PTPRD: variants seen among roughly 807,000 people sequenced by gnomAD.
PTPRD encodes the protein receptor-type tyrosine-protein phosphatase delta.
A neutral mutation model predicts 214.5 loss-of-function variants in PTPRD; 34 were observed. The ratio of observed to expected loss-of-function variants is 0.16; its 90% CI spans 0.12 to 0.21. The LOEUF (loss-of-function observed/expected upper bound fraction) is 0.21. PTPRD is among the 10% of genes least tolerant of loss of function. The pLI, the probability that PTPRD is intolerant of heterozygous loss-of-function variation, is 1.00. For synonymous variants in PTPRD, 1,128 were observed against 845.7 expected (o/e 1.33, Z -5.79); for missense variants, 2,545 against 2,398.7 (o/e 1.06, Z -1.27).
intron 7 of PTPRD, among the ~76,000 whole-genome samples, chr9:9,712,021 T>C (rs2097744371): frequency 6.6e-6 from 1 of 152,212 alleles, no homozygotes; most frequent in African/African-American, 2.4e-5. Context: ...AATTCAGCAT[T>C]AGCATTGTGA....
At chr9:9,418,661 G>A (rs571431148) in intron 8 of PTPRD, among the ~76,000 whole-genome samples, 78 of 152,076 alleles carry the variant, frequency 5.1e-4, no homozygotes, top group African/African-American at 1.9e-3. Flanking sequence ...GGCTACAAGT[G>A]TTCTTAATGT....
In PTPRD at chr9:10,391,574, T is replaced by C. The variant is rs114982953; in HGVS notation, c.-599-50557A>G. Among the ~76,000 whole-genome samples, 390 of 151,862 alleles carry C rather than the reference T, an allele frequency of 2.6e-3. 2 individuals carry two copies. Among genetic ancestry groups the C allele is most frequent in the African/African-American group, 8.7e-3 (363 of 41,500 alleles). ...CTGTATAGTCAATAGTAAATCTCTG[T>C]CAACATTTCCTTTAAAATATACCCT... On this transcript the variant is annotated intron_variant, in intron 2 of 45. Coordinates refer to ENST00000381196, the MANE Select transcript of PTPRD (RefSeq NM_002839.4).
intron 6 of PTPRD, among the ~76,000 whole-genome samples, chr9:9,763,268 G>A (rs767393883): frequency 6.6e-6 from 1 of 152,074 alleles, no homozygotes; most frequent in South Asian, 2.1e-4. Flanking sequence ...GATAATCACT[G>A]TTAATAATGA....
At chr9:8,924,858 T>A (rs2098858478) in intron 11 of PTPRD, among the ~76,000 whole-genome samples, 1 of 152,170 alleles carries the variant, frequency 6.6e-6, no homozygotes, top group Non-Finnish European at 1.5e-5. Context: ...TGACAGTGCT[T>A]AGAATTCATG....
intron 11 of PTPRD, among the ~76,000 whole-genome samples, chr9:8,788,723 T>C (rs1459307243): frequency 6.6e-6 from 1 of 152,166 alleles, no homozygotes; most frequent in Non-Finnish European, 1.5e-5. Context: ...CAAAATCAAA[T>C]TTAAAATATC....
intron 2 of PTPRD, among the ~76,000 whole-genome samples, chr9:10,418,607 C>T (rs933233552): frequency 2.0e-5 from 3 of 151,728 alleles, no homozygotes; most frequent in Admixed American, 1.3e-4. Flanking sequence ...GTTTCTCTTT[C>T]CCACTCCCAC....
At position 9,828,280 on chromosome 9, in the gene PTPRD, T is replaced by G. The variant is rs191311933; in HGVS notation, c.-367-61429A>C. 3.3e-5 allele frequency among the ~76,000 whole-genome samples: 5 copies of G among 152,140 alleles called. No homozygotes were observed. In the East Asian group the frequency reaches 9.7e-4, roughly 29 times the overall value. On this transcript the variant is annotated intron_variant, in intron 5 of 45. Transcript: ENST00000381196. ...AAATGTCCAACAATGATAGACTGGA[T>G]TAAGAAAATGTGGCACATATACATC...
intron 11 of PTPRD, among the ~76,000 whole-genome samples, chr9:8,783,473 A>G (rs1317249797): frequency 6.6e-6 from 1 of 152,180 alleles, no homozygotes; most frequent in Non-Finnish European, 1.5e-5. Context: ...TTTATCCCCA[A>G]GTGATTCTAT....
chr9:9,839,181 A>G (rs1263400391), intron 5 of PTPRD, among the ~76,000 whole-genome samples: 1 of 152,118 alleles, frequency 6.6e-6, no homozygotes, highest in Non-Finnish European at 1.5e-5. Flanking sequence ...CTTGTAGTAT[A>G]GTGTTGGAAG....
At chr9:10,544,483 G>A (rs1355014002) in intron 2 of PTPRD, among the ~76,000 whole-genome samples, 9 of 151,882 alleles carry the variant, frequency 5.9e-5, no homozygotes, top group African/African-American at 2.2e-4. Context: ...CATTTTAAAT[G>A]ATAATGTGAC....
intron 2 of PTPRD, among the ~76,000 whole-genome samples, chr9:10,474,409 G>A (rs1452248718): frequency 6.6e-6 from 1 of 151,952 alleles, no homozygotes; most frequent in African/African-American, 2.4e-5. Flanking sequence ...TTACATAATG[G>A]TAAAGGGATC....
chr9:10,086,760 C>A (rs529461735), intron 3 of PTPRD, among the ~76,000 whole-genome samples: 2 of 151,826 alleles, frequency 1.3e-5, no homozygotes, highest in Non-Finnish European at 1.5e-5. Flanking sequence ...AATGCAAACA[C>A]AACTTCGCTG....
Position 8,942,232 on chromosome 9 carries a change from C to G in PTPRD, c.-104+76465G>C, listed in dbSNP as rs145538131. On this transcript the variant is annotated intron_variant, in intron 11 of 45. Coordinates refer to ENST00000381196, the MANE Select transcript of PTPRD (RefSeq NM_002839.4). ...TTTTTTTTGCCCCCCTGTCTATCAT[C>G]TTGTAACTAGCAAGCACTTTAACAA... Among the ~76,000 whole-genome samples the G allele has an allele frequency of 4.8e-3, 730 of 152,264 alleles. 8 individuals carry two copies. The highest frequency in any genetic ancestry group is 0.017 in the African/African-American group (694 of 41,560).
At chr9:10,355,452 T>C (rs781510144) in intron 2 of PTPRD, among the ~76,000 whole-genome samples, 1 of 151,992 alleles carries the variant, frequency 6.6e-6, no homozygotes, top group African/African-American at 2.4e-5. Context: ...TAGACGACAC[T>C]TTAGAAAATA....
intron 30 of PTPRD, among the ~76,000 whole-genome samples, chr9:8,481,139 C>CAAAAA (rs34451513): frequency 1.0e-4 from 4 of 39,460 alleles, no homozygotes; most frequent in Non-Finnish European, 1.8e-4. Context: ...GACTCCGTCT[C>CAAAAA]AAAAAAAAAA....
chr9:10,196,321 CA>C (rs1296438607), intron 3 of PTPRD, among the ~76,000 whole-genome samples: 7 of 152,246 alleles, frequency 4.6e-5, no homozygotes, highest in Admixed American at 1.3e-4. Context: ...GGACCTCACT[CA>C]TAACATTTTC....
At chr9:10,079,094 A>T (rs1453175200) in intron 3 of PTPRD, among the ~76,000 whole-genome samples, 1 of 152,084 alleles carries the variant, frequency 6.6e-6, no homozygotes, top group East Asian at 1.9e-4. Flanking sequence ...TTTAAAACTT[A>T]AAATGTCCTC....
intron 3 of PTPRD, among the ~76,000 whole-genome samples, chr9:10,189,070 C>A (rs1000218372): frequency 6.6e-6 from 1 of 152,078 alleles, no homozygotes; most frequent in Non-Finnish European, 1.5e-5. Context: ...ACTCTCTTAC[C>A]TGTCCAGGCA....
chr9:9,386,461 C>A (rs2063906485), intron 9 of PTPRD, among the ~76,000 whole-genome samples: 1 of 151,340 alleles, frequency 6.6e-6, no homozygotes, highest in African/African-American at 2.4e-5. Flanking sequence ...ATGGTGGTTG[C>A]ATTAGCCTTT....
Sources: gnomAD v4.1 joint callset for allele counts (sites outside exome capture counted in the v4.1 genomes callset) on GRCh38, gnomAD v4.1.1 for gene constraint, MANE v1.5 for transcripts, NCBI Gene and HGNC (gene_info 2026-07-23, HGNC 2026-07-21) for gene names.